RFC3: variants seen among roughly 807,000 people sequenced by gnomAD.
The protein encoded by RFC3 is A1 38 kDa subunit.
A neutral mutation model predicts 45.1 loss-of-function variants in RFC3; 41 were observed. That is an observed-to-expected ratio of 0.91 (90% CI 0.71 to 1.18). RFC3 has a LOEUF of 1.18. Ranked by LOEUF, RFC3 falls within the 50% of genes most tolerant of loss-of-function variation. The probability of loss-of-function intolerance (pLI) is 0.00; values close to 1 mark genes in which losing one functional copy is unlikely to be tolerated. For synonymous variants in RFC3, 149 were observed against 144.0 expected (o/e 1.03, Z -0.25); for missense variants, 423 against 428.1 (o/e 0.99, Z 0.10).
intron 8 of RFC3, among the ~76,000 whole-genome samples, chr13:33,922,139 C>G (rs1363037690): frequency 6.8e-6 from 1 of 147,014 alleles, no homozygotes; most frequent in South Asian, 2.1e-4. Flanking sequence ...TTAGAAGCCT[C>G]AGCTTCATTG....
chr13:33,966,477 G>T, exon 9 of RFC3: 1 of 273,236 alleles, frequency 3.7e-6, no homozygotes, highest in Non-Finnish European at 7.0e-6. Context: ...TCATCTGCTG[G>T]TACCTATTTG....
At chr13:33,840,251 C>T (rs1448269220), downstream of RFC3, among the ~76,000 whole-genome samples, 2 of 152,300 alleles carry the variant, frequency 1.3e-5, no homozygotes, top group East Asian at 3.9e-4. Context: ...TTGCATAAGT[C>T]ACAGAGTCTC....
downstream of RFC3, among the ~76,000 whole-genome samples, chr13:33,842,249 C>G (rs9598166): frequency 3.2e-4 from 49 of 151,706 alleles, no homozygotes; most frequent in African/African-American, 1.1e-3. Context: ...GATCGTGCCA[C>G]TGCACCCCAG....
intron 8 of RFC3, among the ~76,000 whole-genome samples, chr13:33,891,119 T>G (rs2082560846): frequency 6.6e-6 from 1 of 152,120 alleles, no homozygotes; most frequent in South Asian, 2.1e-4. Flanking sequence ...TCCACCACGT[T>G]TAGTGGTTGT....
intron 8 of RFC3, among the ~76,000 whole-genome samples, chr13:33,859,480 GAA>G (rs1367660779): frequency 2.0e-5 from 3 of 152,146 alleles, no homozygotes; most frequent in African/African-American, 7.2e-5. Context: ...TTTAATGAGT[GAA>G]GAGAACAGTA....
At chr13:33,950,749 T>TTCTCTCTCTCTTCTCTTTCTC (rs1210948435) in intron 8 of RFC3, among the ~76,000 whole-genome samples, 3 of 151,716 alleles carry the variant, frequency 2.0e-5, no homozygotes, top group Non-Finnish European at 4.4e-5. Context: ...AGCCAATGTA[T>TTCTCTCTCTCTTCTCTTTCTC]TCTCTCTCTC....
At chr13:33,820,854 T>C (rs933830676) in intron 1 of RFC3, among the ~76,000 whole-genome samples, 20 of 151,170 alleles carry the variant, frequency 1.3e-4, no homozygotes, top group African/African-American at 4.6e-4. Context: ...TGCTGTCACG[T>C]ATATAAGTTA....
At chr13:33,944,970 G>A (rs1176107149) in intron 8 of RFC3, among the ~76,000 whole-genome samples, 1 of 152,102 alleles carries the variant, frequency 6.6e-6, no homozygotes, top group African/African-American at 2.4e-5. Flanking sequence ...AGGGCTCCCA[G>A]GCATAACACA....
At chr13:33,827,734 C>T (rs1023682959) in intron 4 of RFC3, among the ~76,000 whole-genome samples, 144 of 152,168 alleles carry the variant, frequency 9.5e-4, no homozygotes, top group African/African-American at 3.4e-3. Context: ...CTTTCATATC[C>T]ATAAAGATGT....
intron 8 of RFC3, among the ~76,000 whole-genome samples, chr13:33,929,578 A>T (rs1210248449): frequency 6.6e-6 from 1 of 152,060 alleles, no homozygotes; most frequent in African/African-American, 2.4e-5. Flanking sequence ...TTTTCTGGTA[A>T]ATGTCATGTC....
At chr13:33,976,571 A>C in the RFC3 span, among the ~76,000 whole-genome samples, 1 of 152,188 alleles carries the variant, frequency 6.6e-6, no homozygotes, top group Non-Finnish European at 1.5e-5. Flanking sequence ...AAGATTCATA[A>C]TGTTCTCATC....
chr13:33,956,314 G>A (rs141473833), intron 8 of RFC3, among the ~76,000 whole-genome samples: 69 of 152,324 alleles, frequency 4.5e-4, no homozygotes, highest in African/African-American at 1.6e-3. Flanking sequence ...AGGAAGGGTA[G>A]GTTAAAGTCC....
rs943398228 is a variant in RFC3, at chr13:33,957,371, A to G, written c.880-8716A>G. Among the ~76,000 whole-genome samples the G allele has an allele frequency of 2.6e-5, 4 of 152,184 alleles. No homozygotes were observed. In the East Asian group the frequency reaches 7.7e-4, roughly 29 times the overall value. On this transcript the variant is annotated intron_variant, in intron 8 of 8. Transcript: ENST00000434425. ...AACATAATTGGATTATTTAGGACCT[A>G]TATTTTGTAATGTCACCTAATTTTA...
At chr13:33,862,255 G>GTTTTTT (rs142905743) in intron 8 of RFC3, among the ~76,000 whole-genome samples, 6 of 134,886 alleles carry the variant, frequency 4.4e-5, no homozygotes, top group East Asian at 4.2e-4. Context: ...TCTCAGCAAA[G>GTTTTTT]TTTTTTTTTT....
chr13:33,957,143 A>C (rs904867439), intron 8 of RFC3, among the ~76,000 whole-genome samples: 1 of 152,224 alleles, frequency 6.6e-6, no homozygotes, highest in African/African-American at 2.4e-5. Flanking sequence ...CAGGTTTCAA[A>C]GATGACTATA....
At chr13:33,956,400 G>A (rs1451937337) in intron 8 of RFC3, among the ~76,000 whole-genome samples, 2 of 152,124 alleles carry the variant, frequency 1.3e-5, no homozygotes, top group Non-Finnish European at 2.9e-5. Context: ...ATTTCCTGAT[G>A]GCAGCTTGTG....
intron 8 of RFC3, among the ~76,000 whole-genome samples, chr13:33,866,789 A>G (rs968565322): frequency 2.6e-5 from 4 of 152,208 alleles, no homozygotes; most frequent in Non-Finnish European, 1.5e-5. Flanking sequence ...GCTCTAATCT[A>G]GACTAATTTC....
chr13:33,968,547 C>T (rs2083098268), downstream of RFC3, among the ~76,000 whole-genome samples: 1 of 152,204 alleles, frequency 6.6e-6, no homozygotes, highest in Non-Finnish European at 1.5e-5. Flanking sequence ...CTTAGGTTGC[C>T]TTGTTTTTAG....
intron 8 of RFC3, among the ~76,000 whole-genome samples, chr13:33,860,958 G>A (rs2082337331): frequency 6.6e-6 from 1 of 151,886 alleles, no homozygotes; most frequent in African/African-American, 2.4e-5. Flanking sequence ...CTGGAGTGCA[G>A]TGGTATGATC....
Sources: allele counts gnomAD v4.1 joint callset (sites outside exome capture counted in the v4.1 genomes callset), GRCh38; gene constraint gnomAD v4.1.1; transcripts MANE v1.5; gene names NCBI Gene and HGNC (gene_info 2026-07-23, HGNC 2026-07-21).